NFIC: variants seen among roughly 807,000 people sequenced by gnomAD.
NFIC encodes nuclear factor I C.
A neutral mutation model predicts 54.4 loss-of-function variants in NFIC; 12 were observed. The ratio of observed to expected loss-of-function variants is 0.22; its 90% CI spans 0.14 to 0.36. The LOEUF (loss-of-function observed/expected upper bound fraction) is 0.36. Among genes scored for constraint, NFIC ranks in the 10% least tolerant of loss-of-function variants. NFIC has a pLI of 1.00. For synonymous variants in NFIC, 322 were observed against 319.2 expected, an observed-to-expected ratio of 1.01 and a Z score of -0.09; for missense variants, 575 against 718.2, an observed-to-expected ratio of 0.80 and a Z score of 2.28.
intron 9 of NFIC, 147 bp downstream of exon 9, chr19:3,454,063 C>A: frequency 7.2e-7 from 1 of 1,379,636 alleles, no homozygotes; most frequent in African/African-American, 1.5e-5. Flanking sequence ...AGCCCAGTGG[C>A]CACGTGGTTG....
rs1292126644 is a variant in NFIC, at chr19:3,459,075, G to A, written c.1509+2440G>A. On this transcript the variant is annotated intron_variant, in intron 10 of 10. Coordinates refer to ENST00000443272, the MANE Select transcript of NFIC (RefSeq NM_001245002.2). The surrounding 1 kb of genome is among the most constrained non-coding windows in gnomAD (Gnocchi z 4.2). ...TCCCCTCTCCCAGCTCCCGCTCAAA[G>A]GGCCCTGAGCTTGGAGGCCTCTCAT... 8.5e-5 allele frequency among the ~76,000 whole-genome samples: 13 copies of A among 152,260 alleles called. No individual in the cohort carries two copies. The East Asian group carries it at 2.5e-3, about 29-fold the overall frequency.
chr19:3,383,728 C>T (rs982153615), intron 2 of NFIC, among the ~76,000 whole-genome samples: 7 of 152,314 alleles, frequency 4.6e-5, no homozygotes, highest in South Asian at 4.1e-4. Context: ...GATGGGTGTA[C>T]GCCAGACGCA....
At chr19:3,392,403 C>G (rs1465956850) in intron 2 of NFIC, among the ~76,000 whole-genome samples, 1 of 152,148 alleles carries the variant, frequency 6.6e-6, no homozygotes, top group African/African-American at 2.4e-5. Flanking sequence ...AAAAACTAAC[C>G]CTTTGCATGT....
chr19:3,465,400 A>T lies in NFIC; in HGVS notation c.*2631A>T, dbSNP rs1401186803. The T allele has an allele frequency of 6.8e-6, 1 of 147,906 alleles. No homozygotes were observed. The highest frequency in any genetic ancestry group is 1.5e-5 in the Non-Finnish European group (1 of 67,530). The allele number at this position is 147,906 out of a possible 1,614,324, so 9.2% of individuals were successfully genotyped here. ...GGGATGTATTTCTATTTGTAAAAAA[A>T]ATAAAATAAAAAATAAGAAAGTGAG... On this transcript the variant is annotated 3_prime_UTR_variant, in exon 11 of 11. Coordinates refer to ENST00000443272, the MANE Select transcript of NFIC (RefSeq NM_001245002.2).
chr19:3,360,395 T>C (rs2080795490), intron 1 of NFIC, among the ~76,000 whole-genome samples: 1 of 151,010 alleles, frequency 6.6e-6, no homozygotes, highest in Non-Finnish European at 1.5e-5. Flanking sequence ...CCCCCGGGTC[T>C]CGGCCCGGCG....
intron 10 of NFIC, among the ~76,000 whole-genome samples, chr19:3,457,586 G>A (rs1005155164): frequency 3.3e-5 from 5 of 152,192 alleles, no homozygotes; most frequent in African/African-American, 1.2e-4. Flanking sequence ...AGGAGTGGCT[G>A]CCACAGGCCC....
At chr19:3,395,975 C>T (rs1411046299) in intron 2 of NFIC, among the ~76,000 whole-genome samples, 1 of 151,948 alleles carries the variant, frequency 6.6e-6, no homozygotes, top group Non-Finnish European at 1.5e-5. Flanking sequence ...TTTTATTTTT[C>T]GTAGACAGGA....
At chr19:3,448,592 G>C (rs73919167) in intron 6 of NFIC, among the ~76,000 whole-genome samples, 1 of 152,130 alleles carries the variant, frequency 6.6e-6, no homozygotes, top group African/African-American at 2.4e-5. Context: ...GCAGAGCTGA[G>C]CTGGGGCTTG....
In NFIC at chr19:3,465,174, A is replaced by AAAG. The variant is rs1555685262; in HGVS notation, c.*2405_*2406insAAG. On this transcript the variant is annotated 3_prime_UTR_variant, in exon 11 of 11. Coordinates refer to ENST00000443272, the MANE Select transcript of NFIC (RefSeq NM_001245002.2). Reference sequence around the variant, plus strand: ...TTTAAAAAAAAAAAAAAAAAAAAAAAGATACAAGAAAAACCTTTAAAAAAA... The same window carrying AAAG: ...TTTAAAAAAAAAAAAAAAAAAAAAAAAAGGATACAAGAAAAACCTTTAAAAAAA... 6.9e-6 allele frequency: 1 copy of AAAG among 144,404 alleles called. No individual in the cohort carries two copies. Among genetic ancestry groups the AAAG allele is most frequent in the African/African-American group, 2.6e-5 (1 of 39,100 alleles). The allele number at this position is 144,404 out of a possible 1,614,324, so 8.9% of individuals were successfully genotyped here.
At chr19:3,366,547 T>TGGGGGGGGGGGGGGGG (rs1297245047), upstream of NFIC, 12 of 353,476 alleles carry the variant, frequency 3.4e-5, no homozygotes, top group Admixed American at 3.1e-4. Flanking sequence ...GGGGGGGGGT[T>TGGGGGGGGGGGGGGGG]GGGGGGGGCG....
Position 3,456,426 on chromosome 19 carries a change from C to T in NFIC, c.1424-124C>T, listed in dbSNP as rs1012712485. 3.4e-6 allele frequency: 3 copies of T among 894,964 alleles called. No individual in the cohort carries two copies. In the Admixed American group the frequency reaches 7.0e-5, roughly 21 times the overall value. The allele number at this position is 894,964 out of a possible 1,614,324, so 55.4% of individuals were successfully genotyped here. ...GGTAGGGCGGCAGGCTCGGAGGCCCCAGGCACTGGGTGCAGAGGCCCGGCT... is the reference window on the plus strand; with the variant it reads ...GGTAGGGCGGCAGGCTCGGAGGCCCTAGGCACTGGGTGCAGAGGCCCGGCT... On this transcript the variant is annotated intron_variant, in intron 9 of 10. Transcript: ENST00000443272.
At chr19:3,404,808 G>A (rs937060798) in intron 2 of NFIC, among the ~76,000 whole-genome samples, 5 of 152,310 alleles carry the variant, frequency 3.3e-5, no homozygotes, top group East Asian at 1.9e-4. Flanking sequence ...GCAGGCCTCC[G>A]AGCAGGGGCC....
Position 3,370,717 on chromosome 19 carries a change from T to C in NFIC, c.30+4051T>C, listed in dbSNP as rs1599556403. Among the ~76,000 whole-genome samples, 1 of 150,878 alleles carries C rather than the reference T, an allele frequency of 6.6e-6. No homozygotes were observed. Among genetic ancestry groups the C allele is most frequent in the South Asian group, 2.1e-4 (1 of 4,718 alleles). ...GTCTGTCTCTTTCTTTCTCCCTCCC[T>C]TCCTCTCTCTCTGTTCCTCCTCTTC... On this transcript the variant is annotated intron_variant, in intron 1 of 10. Coordinates refer to ENST00000443272, the MANE Select transcript of NFIC (RefSeq NM_001245002.2). This position sits in a 1 kb window ranked among gnomAD's most constrained non-coding sequence, Gnocchi z 5.2.
chr19:3,390,088 A>G (rs1185606842), intron 2 of NFIC, among the ~76,000 whole-genome samples: 1 of 152,144 alleles, frequency 6.6e-6, no homozygotes, highest in African/African-American at 2.4e-5. Context: ...GTGAAACCCT[A>G]CACCTCCTTT....
In NFIC at chr19:3,369,344, G is replaced by C. The variant is rs2080956781; in HGVS notation, c.30+2678G>C. On this transcript the variant is annotated intron_variant, in intron 1 of 10. Transcript: ENST00000443272. This position sits in a 1 kb window ranked among gnomAD's most constrained non-coding sequence, Gnocchi z 4.3. ...GTCTCCCCTTGCCCCCTCTCTCCCTGTCTCTCTCTATCTCTGCATGTGTCT... is the reference window on the plus strand; with the variant it reads ...GTCTCCCCTTGCCCCCTCTCTCCCTCTCTCTCTCTATCTCTGCATGTGTCT... Among the ~76,000 whole-genome samples, 1 of 151,494 alleles carries C rather than the reference G, an allele frequency of 6.6e-6. No homozygotes were observed. Among genetic ancestry groups the C allele is most frequent in the Admixed American group, 6.6e-5 (1 of 15,230 alleles).
Position 3,360,339 on chromosome 19 carries a change from C to T in NFIC, c.3+654C>T, listed in dbSNP as rs543589923. Among the ~76,000 whole-genome samples, 10 of 149,718 alleles carry T rather than the reference C, an allele frequency of 6.7e-5. No individual in the cohort carries two copies. The East Asian group carries it at 7.8e-4, about 12-fold the overall frequency. On this transcript the variant is annotated intron_variant, in intron 1 of 9. Transcript: ENST00000395111. ...CGCCCCCGCCCCGCCCCTCGGCAGA[C>T]CCCCGGCCCCGCTGCCGCGCGCGCG...
At position 3,449,004 on chromosome 19, in the gene NFIC, C is replaced by T. The variant is rs755714727; in HGVS notation, c.959-10C>T. The T allele has an allele frequency of 1.2e-6, 2 of 1,610,682 alleles. No individual in the cohort carries two copies. The highest frequency in any genetic ancestry group is 2.2e-5 in the South Asian group (2 of 90,664). ...CAGCCTGTGACTCTCTCGTCCCATC[C>T]CCTCCACAGGCATCTCGTCCCCGGT... is the stretch of plus-strand genomic sequence containing the variant. On this transcript the variant is annotated splice_polypyrimidine_tract_variant and intron_variant, in intron 6 of 10. Coordinates refer to ENST00000443272, the MANE Select transcript of NFIC (RefSeq NM_001245002.2).
At chr19:3,393,143 G>C (rs2081402383) in intron 2 of NFIC, among the ~76,000 whole-genome samples, 1 of 152,062 alleles carries the variant, frequency 6.6e-6, no homozygotes, top group East Asian at 1.9e-4. Flanking sequence ...GTTTTACCAT[G>C]TTGGCCAGGC....
intron 6 of NFIC, among the ~76,000 whole-genome samples, chr19:3,446,283 G>A (rs111636850): frequency 2.0e-5 from 3 of 152,308 alleles, no homozygotes; most frequent in African/African-American, 7.2e-5. Context: ...ACATAGTCTC[G>A]TGGAGGGTCC....
Sources: gnomAD v4.1 joint callset for allele counts (sites outside exome capture counted in the v4.1 genomes callset) on GRCh38, gnomAD v4.1.1 for gene constraint, Gnocchi (gnomAD v3.1) non-coding constraint, MANE v1.5 for transcripts, NCBI Gene and HGNC (gene_info 2026-07-23, HGNC 2026-07-21) for gene names.